Variants in SLC35F4 observed in about 807,000 individuals in gnomAD.
The protein encoded by SLC35F4 is chromosome 14 open reading frame 36.
SLC35F4 carries 24 observed loss-of-function variants against 44.2 expected under a neutral mutation model. That is an observed-to-expected ratio of 0.54 (90% CI 0.39 to 0.76). The LOEUF (loss-of-function observed/expected upper bound fraction) is 0.76. SLC35F4 is among the 30% of genes least tolerant of loss of function. SLC35F4 has a pLI of 0.00. For synonymous variants in SLC35F4, 238 were observed against 223.6 expected, an observed-to-expected ratio of 1.06 and a Z score of -0.57; for missense variants, 562 against 586.1, an observed-to-expected ratio of 0.96 and a Z score of 0.42.
intron 1 of SLC35F4, among the ~76,000 whole-genome samples, chr14:57,776,020 C>T (rs1039008055): frequency 3.9e-5 from 6 of 152,114 alleles, no homozygotes; most frequent in Non-Finnish European, 7.4e-5. Context: ...CAAGTATTAA[C>T]AGCAGAATAA....
At chr14:57,917,277 T>C (rs1594623522) in intron 1 of SLC35F4, among the ~76,000 whole-genome samples, 1 of 152,196 alleles carries the variant, frequency 6.6e-6, no homozygotes, top group Non-Finnish European at 1.5e-5. Flanking sequence ...GCCAGGCTGG[T>C]CTCGAACTCC....
At chr14:57,724,470 A>G (rs886128756) in intron 1 of SLC35F4, among the ~76,000 whole-genome samples, 1 of 152,206 alleles carries the variant, frequency 6.6e-6, no homozygotes, top group African/African-American at 2.4e-5. Flanking sequence ...TGAACTGCCT[A>G]TCATGAACTG....
chr14:57,953,729 G>A (rs537074354), intron 1 of SLC35F4, among the ~76,000 whole-genome samples: 135 of 152,224 alleles, frequency 8.9e-4, no homozygotes, highest in African/African-American at 3.2e-3. Context: ...AGACCTAACT[G>A]TCCTAAATAT....
At chr14:57,579,066 AC>A (rs1273442343) in intron 4 of SLC35F4, 1 of 152,196 alleles carries the variant, frequency 6.6e-6, no homozygotes, top group Non-Finnish European at 1.5e-5. Context: ...GTCTGTGATC[AC>A]ATTGCCGCCA....
intron 1 of SLC35F4, among the ~76,000 whole-genome samples, chr14:57,936,912 A>G (rs1819171804): frequency 6.6e-6 from 1 of 152,226 alleles, no homozygotes. Context: ...AAAATGATCA[A>G]GCCAGCTTAT....
intron 3 of SLC35F4, 83 bp from the exon 4 acceptor site, chr14:57,581,516 G>T: frequency 8.0e-7 from 1 of 1,244,264 alleles, no homozygotes; most frequent in Non-Finnish European, 1.1e-6. Context: ...CCATTTTCAG[G>T]TAAGAGCACA....
intron 1 of SLC35F4, among the ~76,000 whole-genome samples, chr14:57,915,301 G>A (rs188958496): frequency 5.3e-4 from 80 of 152,144 alleles, no homozygotes; most frequent in Non-Finnish European, 3.2e-4. Context: ...TCTTCAGGGC[G>A]TTTCTCCCAA....
At chr14:57,952,683 T>C (rs1221370134) in intron 1 of SLC35F4, among the ~76,000 whole-genome samples, 1 of 151,476 alleles carries the variant, frequency 6.6e-6, no homozygotes, top group African/African-American at 2.4e-5. Context: ...GAAGAAAGGA[T>C]ATCAGAGATT....
rs866167187 is a variant in SLC35F4, at chr14:57,865,963, C to T, written c.-138G>A. The T allele has an allele frequency of 3.8e-5, 19 of 499,708 alleles. No homozygotes were observed. Among genetic ancestry groups the T allele is most frequent in the African/African-American group, 3.6e-4 (17 of 47,860 alleles). The allele number at this position is 499,708 out of a possible 1,614,324, so 31.0% of individuals were successfully genotyped here. On this transcript the variant is annotated 5_prime_UTR_variant, in exon 1 of 8. Transcript: ENST00000556826. ...CGCGCCCGGGCTCTGACTCCACCGC[C>T]CGGCGCAGCACCGGCTCCGCATCAC...
chr14:57,696,300 C>T (rs888256702), intron 1 of SLC35F4, among the ~76,000 whole-genome samples: 2 of 152,072 alleles, frequency 1.3e-5, no homozygotes, highest in African/African-American at 2.4e-5. Context: ...TTTACGCAGC[C>T]AACAAACATG....
At chr14:57,939,677 T>C (rs1186294702) in intron 1 of SLC35F4, among the ~76,000 whole-genome samples, 1 of 152,188 alleles carries the variant, frequency 6.6e-6, no homozygotes, top group Non-Finnish European at 1.5e-5. Context: ...ATTTAATTAA[T>C]GGAGTTGGAA....
chr14:57,957,323 G>T (rs1385370311), intron 1 of SLC35F4, among the ~76,000 whole-genome samples: 1 of 151,876 alleles, frequency 6.6e-6, no homozygotes, highest in Admixed American at 6.6e-5. Flanking sequence ...AGCATTAGGA[G>T]AAATACCTAA....
intron 1 of SLC35F4, among the ~76,000 whole-genome samples, chr14:57,786,467 A>G (rs2077762190): frequency 6.6e-6 from 1 of 152,218 alleles, no homozygotes; most frequent in East Asian, 1.9e-4. Flanking sequence ...AACTGGCACA[A>G]AAACCGAGCA....
chr14:57,726,623 T>C (rs2076210557), intron 1 of SLC35F4, among the ~76,000 whole-genome samples: 1 of 152,200 alleles, frequency 6.6e-6, no homozygotes, highest in Non-Finnish European at 1.5e-5. Flanking sequence ...GTACAAAGGA[T>C]AGCTATATTA....
At chr14:57,744,173 G>C (rs1431165838) in intron 1 of SLC35F4, among the ~76,000 whole-genome samples, 1 of 152,154 alleles carries the variant, frequency 6.6e-6, no homozygotes, top group African/African-American at 2.4e-5. Flanking sequence ...GCACAAGACA[G>C]GGATGCCCTC....
intron 1 of SLC35F4, among the ~76,000 whole-genome samples, chr14:57,659,391 T>A (rs73303890): frequency 0.026 from 3,956 of 152,184 alleles, 162 homozygotes; most frequent in African/African-American, 0.089. Context: ...CAGTCAGAGT[T>A]TTTAAGTTCC....
intron 1 of SLC35F4, among the ~76,000 whole-genome samples, chr14:57,751,660 G>A (rs2076886661): frequency 6.6e-6 from 1 of 152,142 alleles, no homozygotes. Flanking sequence ...AAGGCAAAAT[G>A]AGATTGTGTA....
intron 1 of SLC35F4, among the ~76,000 whole-genome samples, chr14:57,632,171 A>G (rs1291416280): frequency 6.6e-6 from 1 of 152,116 alleles, no homozygotes; most frequent in Non-Finnish European, 1.5e-5. Flanking sequence ...TCCTGGACAT[A>G]TAGTTTCAAC....
In SLC35F4 at chr14:57,875,455, A is replaced by G. The variant is rs1346054081; in HGVS notation, n.282+106458T>C. On this transcript the variant is annotated intron_variant and non_coding_transcript_variant, in intron 1 of 1. Coordinates refer to the SLC35F4 transcript ENST00000556568. The stretch of plus-strand genomic sequence containing the variant: ...AACCATTTATTACTTCTCATGAACT[A>G]TTAGTCACTTGCATGGTTCTACTAA... Among the ~76,000 whole-genome samples the G allele has an allele frequency of 3.3e-5, 5 of 152,328 alleles. No individual in the cohort carries two copies. The East Asian group carries it at 7.7e-4, about 23-fold the overall frequency.
Sources: gnomAD v4.1 joint callset for allele counts (sites outside exome capture counted in the v4.1 genomes callset) on GRCh38, gnomAD v4.1.1 for gene constraint, MANE v1.5 for transcripts, NCBI Gene and HGNC (gene_info 2026-07-23, HGNC 2026-07-21) for gene names.